The following PPARGC1A variants were observed in gnomAD, a reference collection of about 807,000 sequenced individuals.
PPARGC1A encodes PPARG coactivator 1 alpha, also known as peroxisome proliferator-activated receptor gamma coactivator 1-alpha.
In PPARGC1A, 25 loss-of-function variants were observed where a neutral mutation model predicts 88.7. The observed-to-expected ratio is 0.28, with a 90% CI of 0.21 to 0.39. PPARGC1A has a LOEUF of 0.39. Ranked by LOEUF, PPARGC1A falls within the 10% of genes least tolerant of loss-of-function variation. PPARGC1A has a pLI of 1.00. For missense variants in PPARGC1A, 880 were observed against 968.7 expected (o/e 0.91, Z 1.22); for synonymous variants, 363 against 355.6 (o/e 1.02, Z -0.24).
chr4:24,346,738 T>G, the PPARGC1A span, among the ~76,000 whole-genome samples: 4 of 152,216 alleles, frequency 2.6e-5, no homozygotes, highest in African/African-American at 2.4e-5. Context: ...GTTTCATTTA[T>G]CTTTTGTATT....
the PPARGC1A span, among the ~76,000 whole-genome samples, chr4:24,126,497 G>A: frequency 6.6e-6 from 1 of 152,166 alleles, no homozygotes; most frequent in Admixed American, 6.5e-5. Context: ...GCCCGTAGCA[G>A]GATGAGATAG....
the PPARGC1A span, among the ~76,000 whole-genome samples, chr4:24,191,895 G>T: frequency 6.6e-6 from 1 of 152,172 alleles, no homozygotes; most frequent in Non-Finnish European, 1.5e-5. Context: ...TGAGAAAGAA[G>T]CAAAAAGCTT....
chr4:24,408,493 A>C, the PPARGC1A span, among the ~76,000 whole-genome samples: 26 of 152,324 alleles, frequency 1.7e-4, no homozygotes, highest in Admixed American at 1.4e-3. Context: ...ATTCCCCTCC[A>C]TTGGATCTGA....
At chr4:23,796,021 T>A (rs1717534114) in intron 12 of PPARGC1A, 96 bp from the exon 13 acceptor site, 2 of 827,730 alleles carry the variant, frequency 2.4e-6, no homozygotes, top group Admixed American at 2.1e-5. Context: ...ATAACAACTC[T>A]TCCAATCAAT....
the PPARGC1A span, among the ~76,000 whole-genome samples, chr4:24,141,573 G>A: frequency 8.3e-4 from 126 of 152,316 alleles, no homozygotes; most frequent in African/African-American, 2.8e-3. Context: ...AAGCAGGAAG[G>A]CCCTAGGGAA....
the PPARGC1A span, among the ~76,000 whole-genome samples, chr4:24,107,095 A>T: frequency 6.6e-6 from 1 of 152,248 alleles, no homozygotes; most frequent in Non-Finnish European, 1.5e-5. Context: ...ATGAACACAA[A>T]TACATTGTAA....
At chr4:24,135,993 AG>A in the PPARGC1A span, among the ~76,000 whole-genome samples, 1 of 152,142 alleles carries the variant, frequency 6.6e-6, no homozygotes, top group African/African-American at 2.4e-5. Flanking sequence ...GAGAGAGCAG[AG>A]GGGGTACGCT....
the PPARGC1A span, among the ~76,000 whole-genome samples, chr4:24,073,781 T>C: frequency 6.6e-6 from 1 of 152,192 alleles, no homozygotes; most frequent in Non-Finnish European, 1.5e-5. Flanking sequence ...GAACCAGGAT[T>C]TGGACCTTTA....
intron 1 of PPARGC1A, among the ~76,000 whole-genome samples, chr4:23,886,180 G>T (rs1716857866): frequency 6.6e-6 from 1 of 152,174 alleles, no homozygotes; most frequent in African/African-American, 2.4e-5. Flanking sequence ...TCATGGCCCT[G>T]CCTTCCAAGG....
chr4:23,818,537 AT>A (rs1177272731), intron 7 of PPARGC1A, among the ~76,000 whole-genome samples: 1 of 152,118 alleles, frequency 6.6e-6, no homozygotes. Flanking sequence ...CCTTAGCAAT[AT>A]TTATGATTAC....
chr4:23,902,183 T>C (rs547469350), upstream of PPARGC1A, among the ~76,000 whole-genome samples: 41 of 152,332 alleles, frequency 2.7e-4, 1 homozygote, highest in South Asian at 1.7e-3. Context: ...TTTTTAAAAA[T>C]GTAGTTACTT....
At chr4:24,324,645 A>G in the PPARGC1A span, among the ~76,000 whole-genome samples, 3 of 152,196 alleles carry the variant, frequency 2.0e-5, no homozygotes, top group African/African-American at 7.2e-5. Flanking sequence ...AAATAGCCGG[A>G]AAATGGCACT....
the PPARGC1A span, among the ~76,000 whole-genome samples, chr4:24,346,104 C>T: frequency 1.2e-4 from 19 of 152,294 alleles, no homozygotes; most frequent in African/African-American, 4.1e-4. Context: ...ATATGTTAAA[C>T]CATCCCTGCG....
chr4:24,211,972 A>G, the PPARGC1A span, among the ~76,000 whole-genome samples: 2 of 152,090 alleles, frequency 1.3e-5, no homozygotes, highest in Admixed American at 1.3e-4. Flanking sequence ...TCCTAACTAG[A>G]TTCCTCGTCT....
chr4:24,351,234 A>T, the PPARGC1A span, among the ~76,000 whole-genome samples: 20 of 90,648 alleles, frequency 2.2e-4, no homozygotes, highest in African/African-American at 2.2e-4. Context: ...TTGTATTTAA[A>T]AAAAAAAAAA....
chr4:23,913,385 G>A, the PPARGC1A span, among the ~76,000 whole-genome samples: 3 of 151,066 alleles, frequency 2.0e-5, no homozygotes, highest in East Asian at 3.9e-4. Context: ...TATGGCAGGA[G>A]TGATCAAGCA....
At chr4:23,813,502 G>C (rs2932967) in intron 8 of PPARGC1A, among the ~76,000 whole-genome samples, 188 bp downstream of exon 8, 124,912 of 152,202 alleles carry the variant, frequency 0.82, 51,463 homozygotes, top group African/African-American at 0.88. Context: ...GTGCTCAGAG[G>C]TGACAGATTT....
chr4:23,981,507 A>C, the PPARGC1A span, among the ~76,000 whole-genome samples: 1 of 152,072 alleles, frequency 6.6e-6, no homozygotes, highest in Non-Finnish European at 1.5e-5. Flanking sequence ...GAGGGAAATT[A>C]GGTGTGGGCT....
At chr4:23,950,559 G>T in the PPARGC1A span, among the ~76,000 whole-genome samples, 1 of 151,880 alleles carries the variant, frequency 6.6e-6, no homozygotes, top group Non-Finnish European at 1.5e-5. Context: ...AGGAATACCA[G>T]GGTTCAAATC....
Sources: gnomAD v4.1 joint callset for allele counts (sites outside exome capture counted in the v4.1 genomes callset) on GRCh38, gnomAD v4.1.1 for gene constraint, MANE v1.5 for transcripts, NCBI Gene and HGNC (gene_info 2026-07-23, HGNC 2026-07-21) for gene names.